The following NBEA variants were observed in gnomAD, a reference collection of about 807,000 sequenced individuals.
NBEA encodes neurobeachin.
In NBEA, 44 loss-of-function variants were observed where a neutral mutation model predicts 343.4. The ratio of observed to expected loss-of-function variants is 0.13; its 90% confidence interval spans 0.10 to 0.16. The LOEUF (loss-of-function observed/expected upper bound fraction) is 0.16, where lower values mean the gene tolerates loss of function less well. Ranked by LOEUF, NBEA falls within the 10% of genes least tolerant of loss-of-function variation. The probability of loss-of-function intolerance (pLI) is 1.00; values close to 1 mark genes in which losing one functional copy is unlikely to be tolerated. For missense variants in NBEA, 2,555 were observed against 3,631.3 expected (o/e 0.70, Z 7.62); for synonymous variants, 1,175 against 1,238.7 (o/e 0.95, Z 1.08).
intron 41 of NBEA, among the ~76,000 whole-genome samples, chr13:35,502,341 T>C (rs982816594): frequency 1.6e-4 from 25 of 152,102 alleles, no homozygotes; most frequent in Non-Finnish European, 8.8e-5. Flanking sequence ...GGTAATATAT[T>C]AGGTAAAAGA....
At chr13:35,398,011 C>T (rs2042825926) in intron 38 of NBEA, among the ~76,000 whole-genome samples, 1 of 152,100 alleles carries the variant, frequency 6.6e-6, no homozygotes, top group East Asian at 1.9e-4. Flanking sequence ...TCCCATAGAA[C>T]TTCTTTCAAA....
rs577525910 is a variant in NBEA at position 35,260,350 on chromosome 13, A to T, written c.5776+27731A>T. On this transcript the variant is annotated intron_variant, in intron 34 of 58. Coordinates refer to ENST00000379939, the MANE Select transcript of NBEA (RefSeq NM_001385012.1). The stretch of plus-strand genomic sequence containing the variant: ...TGGCATAACAAGAAGTAGCCTTATT[A>T]ATAATTTCCAATTATAATCACTAGA... 4.5e-4 allele frequency among the ~76,000 whole-genome samples: 68 copies of T among 152,378 alleles called. 1 individual carries two copies. The highest frequency in any genetic ancestry group is 1.6e-3 in the African/African-American group (66 of 41,596).
chr13:35,458,432 G>A (rs2046704242), intron 40 of NBEA, among the ~76,000 whole-genome samples: 1 of 152,156 alleles, frequency 6.6e-6, no homozygotes, highest in Admixed American at 6.5e-5. Context: ...GCCCTCAAAG[G>A]TTCCCACTTA....
At chr13:34,950,141 G>T (rs576601180) in intron 1 of NBEA, among the ~76,000 whole-genome samples, 1 of 152,292 alleles carries the variant, frequency 6.6e-6, no homozygotes, top group South Asian at 2.1e-4. Flanking sequence ...GGACCAGACA[G>T]AGAAACTGAC....
At chr13:35,308,568 A>ATATATATGTATATATG (rs6144999) in intron 35 of NBEA, among the ~76,000 whole-genome samples, 1,688 of 87,290 alleles carry the variant, frequency 0.019, 47 homozygotes, top group African/African-American at 0.036. Flanking sequence ...GTATATATGT[A>ATATATATGTATATATG]TATATATGTA....
intron 13 of NBEA, among the ~76,000 whole-genome samples, chr13:35,116,950 G>A (rs933717298): frequency 6.6e-6 from 1 of 151,856 alleles, no homozygotes; most frequent in African/African-American, 2.4e-5. Flanking sequence ...GAAGAAATAG[G>A]CTGCAAAACA....
At chr13:35,467,248 C>A (rs543134130) in intron 40 of NBEA, among the ~76,000 whole-genome samples, 1 of 151,960 alleles carries the variant, frequency 6.6e-6, no homozygotes, top group African/African-American at 2.4e-5. Context: ...CCAAGGCGGG[C>A]GGATCACAAG....
At chr13:35,600,122 A>T (rs905493893) in intron 47 of NBEA, among the ~76,000 whole-genome samples, 1 of 152,240 alleles carries the variant, frequency 6.6e-6, no homozygotes, top group Non-Finnish European at 1.5e-5. Flanking sequence ...AAGAAGAGGC[A>T]GGTCCTAAGT....
At chr13:34,955,364 A>C (rs1566087380) in intron 1 of NBEA, among the ~76,000 whole-genome samples, 1 of 152,218 alleles carries the variant, frequency 6.6e-6, no homozygotes, top group East Asian at 1.9e-4. Context: ...ATAACTTGAA[A>C]TTCAGAACAG....
At chr13:35,345,343 A>G (rs1046104906) in intron 36 of NBEA, among the ~76,000 whole-genome samples, 3 of 152,160 alleles carry the variant, frequency 2.0e-5, no homozygotes, top group African/African-American at 4.8e-5. Flanking sequence ...GCTTTGGCAT[A>G]TATACATATG....
chr13:35,285,449 T>C (rs1370938154), intron 34 of NBEA, among the ~76,000 whole-genome samples: 1 of 152,116 alleles, frequency 6.6e-6, no homozygotes, highest in Non-Finnish European at 1.5e-5. Context: ...GAAAATAAAT[T>C]GGTATCTTTT....
At chr13:35,459,036 C>T (rs1033171145) in intron 40 of NBEA, among the ~76,000 whole-genome samples, 44 of 138,330 alleles carry the variant, frequency 3.2e-4, no homozygotes, top group Non-Finnish European at 5.3e-4. Flanking sequence ...CACACACACA[C>T]ACTTACCAAG....
At chr13:35,224,026 C>T (rs1211979566) in intron 33 of NBEA, among the ~76,000 whole-genome samples, 4 of 152,150 alleles carry the variant, frequency 2.6e-5, no homozygotes, top group African/African-American at 7.2e-5. Flanking sequence ...TCCTAGAATT[C>T]GCCTTGCGCA....
At chr13:35,061,817 T>C (rs901094990) in intron 8 of NBEA, among the ~76,000 whole-genome samples, 14 of 151,814 alleles carry the variant, frequency 9.2e-5, no homozygotes, top group Non-Finnish European at 1.8e-4. Flanking sequence ...GCATATAATA[T>C]AGATAACATC....
chr13:35,232,409 A>T, intron 33 of NBEA, 83 bp from the exon 34 acceptor site: 1 of 956,594 alleles, frequency 1.0e-6, no homozygotes, highest in Non-Finnish European at 1.5e-6. Context: ...TATGATTTTT[A>T]AATATTTTAA....
intron 41 of NBEA, chr13:35,475,933 A>G (rs184667870): frequency 1.2e-6 from 2 of 1,614,092 alleles, no homozygotes; most frequent in African/African-American, 2.7e-5. Flanking sequence ...GGTGGGGGAG[A>G]TGACCTCGAG....
intron 36 of NBEA, among the ~76,000 whole-genome samples, chr13:35,331,376 C>A (rs969329319): frequency 2.1e-4 from 32 of 152,048 alleles, no homozygotes; most frequent in Non-Finnish European, 3.4e-4. Context: ...TAGTATACTC[C>A]CATTCTCTGA....
chr13:35,178,801 C>T (rs916558634), intron 28 of NBEA, among the ~76,000 whole-genome samples: 4 of 151,372 alleles, frequency 2.6e-5, no homozygotes, highest in Non-Finnish European at 5.9e-5. Context: ...AATCTAAACT[C>T]TAACCTAGAC....
intron 1 of NBEA, among the ~76,000 whole-genome samples, chr13:34,945,717 T>C (rs73488135): frequency 0.015 from 2,345 of 152,232 alleles, 63 homozygotes; most frequent in African/African-American, 0.054. Flanking sequence ...AAACAATACC[T>C]TTGTCTCAGT....
Sources: gnomAD v4.1 joint callset for allele counts (sites outside exome capture counted in the v4.1 genomes callset) on GRCh38, gnomAD v4.1.1 for gene constraint, MANE v1.5 for transcripts, NCBI Gene and HGNC (gene_info 2026-07-23, HGNC 2026-07-21) for gene names.